The following TNRC6B variants were observed in gnomAD, a reference collection of about 807,000 sequenced individuals.
TNRC6B encodes the protein trinucleotide repeat-containing gene 6B protein.
A neutral mutation model predicts 203.6 loss-of-function variants in TNRC6B; 52 were observed. The observed-to-expected ratio is 0.26, with a 90% CI of 0.20 to 0.32. TNRC6B has a LOEUF of 0.32. Ranked by LOEUF, TNRC6B falls within the 10% of genes least tolerant of loss-of-function variation. The pLI is 1.00. For synonymous variants in TNRC6B, 838 were observed against 845.7 expected (o/e 0.99, Z 0.16); for missense variants, 1,923 against 2,286.2 (o/e 0.84, Z 3.24).
At chr22:40,126,813 A>C (rs2068498048) in intron 3 of TNRC6B, among the ~76,000 whole-genome samples, 1 of 150,656 alleles carries the variant, frequency 6.6e-6, no homozygotes, top group Non-Finnish European at 1.5e-5. Context: ...CTGGTCTCAC[A>C]CTTCTGATCT....
chr22:40,291,567 G>A (rs2070869621), intron 12 of TNRC6B, among the ~76,000 whole-genome samples: 1 of 152,174 alleles, frequency 6.6e-6, no homozygotes. Flanking sequence ...AGAACCTGAT[G>A]TTAACATTGT....
intron 4 of TNRC6B, among the ~76,000 whole-genome samples, chr22:40,159,737 C>T (rs925032455): frequency 2.0e-5 from 3 of 152,042 alleles, no homozygotes; most frequent in Admixed American, 6.6e-5. Context: ...TTTTAAACAA[C>T]AATTAAATTG....
chr22:40,235,142 T>C lies in TNRC6B; in HGVS notation c.6-10873T>C, dbSNP rs117656162. Among the ~76,000 whole-genome samples the C allele has an allele frequency of 3.9e-3, 592 of 152,342 alleles. 4 individuals carry two copies. The highest frequency in any genetic ancestry group is 6.1e-3 in the Non-Finnish European group (414 of 68,028). On this transcript the variant is annotated intron_variant, in intron 1 of 22. Coordinates refer to ENST00000454349, the MANE Select transcript of TNRC6B (RefSeq NM_001162501.2). Reference sequence around the variant, plus strand: ...TGTGGCTAGTTATTTTCTTACTGTTTTATAAGTTGCCAAGATTACCTTTTA... The same window carrying C: ...TGTGGCTAGTTATTTTCTTACTGTTCTATAAGTTGCCAAGATTACCTTTTA...
Position 40,266,382 on chromosome 22 carries a change from A to G in TNRC6B, c.2152A>G (p.Thr718Ala), listed in dbSNP as rs758049478. 1.2e-6 allele frequency: 2 copies of G among 1,613,604 alleles called. No individual in the cohort carries two copies. Among genetic ancestry groups the G allele is most frequent in the Non-Finnish European group, 8.5e-7 (1 of 1,179,750 alleles). The change falls in exon 5 of 23, where the codon ACA (threonine) becomes GCA (alanine). Residue 718 changes from threonine to alanine, a missense_variant. Physicochemically the swap from Thr to Ala is moderately conservative, Grantham distance 58. This residue lies in a region of TNRC6B where 599 missense variants were observed against 656.5 expected (regional missense o/e 0.91). Coordinates refer to ENST00000454349, the MANE Select transcript of TNRC6B (RefSeq NM_001162501.2). ...GGGAGGAGGACGACCTGATGAAAAG[A>G]CACCTTCCTCTTGGAATGAGAATCC... ...NWGGGRPDEK[T>A]PSSWNENPSK...
At chr22:40,196,581 A>G (rs1006574845) in intron 1 of TNRC6B, among the ~76,000 whole-genome samples, 7 of 151,184 alleles carry the variant, frequency 4.6e-5, no homozygotes, top group Admixed American at 1.3e-4. Context: ...GAATATTTCT[A>G]TTCTCCTGAG....
At chr22:40,307,884 C>A (rs139910) in intron 15 of TNRC6B, among the ~76,000 whole-genome samples, 1 of 151,844 alleles carries the variant, frequency 6.6e-6, no homozygotes, top group African/African-American at 2.4e-5. Context: ...AAAAAAGATC[C>A]GAACTCCTTG....
At chr22:40,182,640 A>G (rs190056146) in intron 1 of TNRC6B, among the ~76,000 whole-genome samples, 8 of 152,324 alleles carry the variant, frequency 5.3e-5, no homozygotes, top group East Asian at 1.9e-4. Flanking sequence ...ATTGCCTTCA[A>G]TAGTTTGGTT....
rs146748267 is a variant in TNRC6B, at chr22:40,079,431, A to G, written c.-121+34433A>G. On this transcript the variant is annotated intron_variant, in intron 1 of 23. Coordinates refer to the TNRC6B transcript ENST00000301923. ...GAATGTTGGTAAGCAAGCCCACATT[A>G]GTCTGCCACCAGAATAAAATTTCCT... is the stretch of plus-strand genomic sequence containing the variant. Among the ~76,000 whole-genome samples the G allele has an allele frequency of 2.0e-4, 31 of 152,332 alleles. No homozygotes were observed. In the East Asian group the frequency reaches 5.6e-3, roughly 27 times the overall value.
rs1314683300 is a variant in TNRC6B at position 40,325,964 on chromosome 22, A to C, written c.*2723A>C. ...AATGAGGGATTTGAAATATGTAAAA[A>C]TAAACATGAGAAGCTAAAATGTTCT... On this transcript the variant is annotated 3_prime_UTR_variant, in exon 23 of 23. Transcript: ENST00000454349. The C allele has an allele frequency of 6.6e-6, 1 of 152,624 alleles. No homozygotes were observed. Among genetic ancestry groups the C allele is most frequent in the Non-Finnish European group, 1.5e-5 (1 of 68,046 alleles). 9.5% of individuals were successfully genotyped at this position (152,624 alleles called of 1,614,324 possible).
At chr22:40,079,583 A>ATATT in intron 1 of TNRC6B, among the ~76,000 whole-genome samples, 1 of 151,458 alleles carries the variant, frequency 6.6e-6, no homozygotes, top group East Asian at 1.9e-4. Context: ...ATATATATAT[A>ATATT]TTTTTTATGA....
intron 3 of TNRC6B, among the ~76,000 whole-genome samples, chr22:40,151,552 A>AG (rs59549616): frequency 0.64 from 88,297 of 138,380 alleles, 29,375 homozygotes; most frequent in African/African-American, 0.83. Flanking sequence ...AAAAAAAAAA[A>AG]GAAAAAAGAA....
Position 40,051,291 on chromosome 22 carries a change from A to G in TNRC6B, c.-121+6293A>G, listed in dbSNP as rs140692818. On this transcript the variant is annotated intron_variant, in intron 1 of 23. Coordinates refer to the TNRC6B transcript ENST00000301923. ...ATGGAATCCCTTATCACTAAGCCAGACTAGATCTAAACTAAACTGTGCTAA... is the reference window on the plus strand; with the variant it reads ...ATGGAATCCCTTATCACTAAGCCAGGCTAGATCTAAACTAAACTGTGCTAA... Among the ~76,000 whole-genome samples the G allele has an allele frequency of 2.6e-3, 400 of 152,280 alleles. 1 individual carries two copies. The highest frequency in any genetic ancestry group is 9.3e-3 in the African/African-American group (385 of 41,552).
chr22:40,183,868 G>T (rs753384005), intron 1 of TNRC6B, among the ~76,000 whole-genome samples: 1 of 151,952 alleles, frequency 6.6e-6, no homozygotes, highest in African/African-American at 2.4e-5. Flanking sequence ...CTAATTTTTT[G>T]TATATTTTAG....
At chr22:40,160,128 T>A (rs2068858684) in intron 4 of TNRC6B, among the ~76,000 whole-genome samples, 1 of 152,146 alleles carries the variant, frequency 6.6e-6, no homozygotes, top group Non-Finnish European at 1.5e-5. Flanking sequence ...TTTCATTCTT[T>A]TAAACGTCTG....
At chr22:40,269,380 C>T (rs902736503) in intron 5 of TNRC6B, among the ~76,000 whole-genome samples, 3 of 152,070 alleles carry the variant, frequency 2.0e-5, no homozygotes, top group South Asian at 2.1e-4. Flanking sequence ...GAGATCCACC[C>T]GCCTTGGCTC....
intron 1 of TNRC6B, among the ~76,000 whole-genome samples, chr22:40,095,149 C>T (rs1230673350): frequency 6.6e-6 from 1 of 152,178 alleles, no homozygotes; most frequent in Non-Finnish European, 1.5e-5. Context: ...TAGATTATTA[C>T]AGCAGCCTCA....
intron 11 of TNRC6B, among the ~76,000 whole-genome samples, chr22:40,283,035 TA>T: frequency 6.6e-6 from 1 of 151,978 alleles, no homozygotes; most frequent in East Asian, 1.9e-4. Flanking sequence ...ATTTTTTATT[TA>T]TTTATTTATT....
rs8142697 is a variant in TNRC6B at position 40,141,160 on chromosome 22, G to A, written c.46-14955G>A. Among the ~76,000 whole-genome samples the A allele has an allele frequency of 9.1e-3, 1,327 of 146,240 alleles. 12 individuals carry two copies. Among genetic ancestry groups the A allele is most frequent in the Middle Eastern group, 0.044 (12 of 274 alleles). On this transcript the variant is annotated intron_variant, in intron 3 of 23. Coordinates refer to the TNRC6B transcript ENST00000301923. ...TTAATTAACGAATTTATTGAGCACAGTGGAGTTAACTTCTTTCCATGGGTG... is the reference window on the plus strand; with the variant it reads ...TTAATTAACGAATTTATTGAGCACAATGGAGTTAACTTCTTTCCATGGGTG...
chr22:40,088,655 A>T (rs1379376553), intron 1 of TNRC6B, among the ~76,000 whole-genome samples: 1 of 145,968 alleles, frequency 6.9e-6, no homozygotes, highest in South Asian at 2.2e-4. Flanking sequence ...GGGCTTCACC[A>T]TGTTGGTCAG....
Sources: gnomAD v4.1 joint callset for allele counts (sites outside exome capture counted in the v4.1 genomes callset) on GRCh38, gnomAD v4.1.1 for gene constraint, gnomAD v4.1.1 regional missense constraint, MANE v1.5 for transcripts, NCBI Gene and HGNC (gene_info 2026-07-23, HGNC 2026-07-21) for gene names.